MLLT3: variants seen among roughly 807,000 people sequenced by gnomAD.
MLLT3 encodes protein AF-9.
A neutral mutation model predicts 53.2 loss-of-function variants in MLLT3; 4 were observed. That is an observed-to-expected ratio of 0.08 (90% confidence interval 0.04 to 0.17). MLLT3 has a LOEUF of 0.17. Among genes scored for constraint, MLLT3 ranks in the 10% least tolerant of loss-of-function variants. MLLT3 has a pLI of 1.00. For synonymous variants in MLLT3, 283 were observed against 230.6 expected (o/e 1.23, Z -2.06); for missense variants, 569 against 684.0 (o/e 0.83, Z 1.87).
intron 2 of MLLT3, among the ~76,000 whole-genome samples, chr9:20,531,075 T>C (rs1818320429): frequency 6.6e-6 from 1 of 150,816 alleles, no homozygotes; most frequent in African/African-American, 2.5e-5. Flanking sequence ...AGTTTTGCTT[T>C]TAGCTTTTTT....
At chr9:20,452,494 T>C (rs1392750098) in intron 3 of MLLT3, among the ~76,000 whole-genome samples, 1 of 152,196 alleles carries the variant, frequency 6.6e-6, no homozygotes, top group Non-Finnish European at 1.5e-5. Flanking sequence ...CTATTTCCTT[T>C]ATAAATTACC....
chr9:20,357,844 G>C (rs576216377), intron 8 of MLLT3, among the ~76,000 whole-genome samples: 2 of 152,110 alleles, frequency 1.3e-5, no homozygotes, highest in Non-Finnish European at 2.9e-5. Context: ...TATGGAAGGA[G>C]GAAACTCAAG....
intron 2 of MLLT3, among the ~76,000 whole-genome samples, chr9:20,527,799 T>A (rs945365725): frequency 4.6e-5 from 7 of 152,166 alleles, no homozygotes; most frequent in Non-Finnish European, 8.8e-5. Context: ...ACTGGAAAAG[T>A]CAAACAACAG....
intron 2 of MLLT3, among the ~76,000 whole-genome samples, chr9:20,470,745 G>A (rs997880954): frequency 6.6e-6 from 1 of 151,854 alleles, no homozygotes; most frequent in Non-Finnish European, 1.5e-5. Flanking sequence ...AGGGTAGGGA[G>A]GGAGTAATAA....
At position 20,346,375 on chromosome 9, in the gene MLLT3, CAACCAAAAAAAAAAAA is replaced by C. The variant is rs980880119; in HGVS notation, c.*52_*67del. On this transcript the variant is annotated 3_prime_UTR_variant, in exon 11 of 11. Transcript: ENST00000380338. ...TATAAACAACAAGAACAAAAAATCA[CAACCAAAAAAAAAAAA>C]AACCAAAAAAAAAAAACACAATAGT... 7.5e-5 allele frequency: 94 copies of C among 1,245,258 alleles called. No individual in the cohort carries two copies. In the African/African-American group the frequency reaches 1.3e-3, roughly 18 times the overall value. 77.1% of individuals were successfully genotyped at this position (1,245,258 alleles called of 1,614,324 possible).
At chr9:20,431,026 T>C (rs576006810) in intron 4 of MLLT3, among the ~76,000 whole-genome samples, 20 of 152,194 alleles carry the variant, frequency 1.3e-4, no homozygotes, top group African/African-American at 4.8e-4. Context: ...ATGATACAAC[T>C]TTATGTGCTT....
At chr9:20,517,905 A>G (rs1465702753) in intron 2 of MLLT3, among the ~76,000 whole-genome samples, 2 of 152,192 alleles carry the variant, frequency 1.3e-5, no homozygotes, top group African/African-American at 4.8e-5. Flanking sequence ...GGCAAAAGAG[A>G]TGAAGACTTG....
chr9:20,583,098 G>C (rs913720765), intron 2 of MLLT3, among the ~76,000 whole-genome samples: 1 of 152,142 alleles, frequency 6.6e-6, no homozygotes, highest in Non-Finnish European at 1.5e-5. Flanking sequence ...GATACAATGG[G>C]AGTACAGACA....
At chr9:20,354,454 C>T (rs1821114504) in intron 9 of MLLT3, among the ~76,000 whole-genome samples, 1 of 152,240 alleles carries the variant, frequency 6.6e-6, no homozygotes, top group Non-Finnish European at 1.5e-5. Flanking sequence ...GACGCACACT[C>T]TGGGAAAGCA....
At chr9:20,554,649 A>G (rs753696946) in intron 2 of MLLT3, among the ~76,000 whole-genome samples, 11 of 152,198 alleles carry the variant, frequency 7.2e-5, no homozygotes, top group Non-Finnish European at 1.2e-4. Flanking sequence ...TTACCTCTCA[A>G]TCTGACAAGG....
At chr9:20,610,259 G>C (rs1437592984) in intron 2 of MLLT3, among the ~76,000 whole-genome samples, 10 of 152,232 alleles carry the variant, frequency 6.6e-5, no homozygotes, top group African/African-American at 2.2e-4. Context: ...AAAAATGATA[G>C]AGCTGGCCAA....
At chr9:20,571,645 G>C (rs935149085) in intron 2 of MLLT3, among the ~76,000 whole-genome samples, 1 of 152,090 alleles carries the variant, frequency 6.6e-6, no homozygotes, top group Non-Finnish European at 1.5e-5. Flanking sequence ...CCGGGTCCAT[G>C]TGTTTTCATT....
intron 4 of MLLT3, among the ~76,000 whole-genome samples, chr9:20,447,470 G>A (rs1368910371): frequency 1.3e-5 from 2 of 152,132 alleles, no homozygotes; most frequent in Non-Finnish European, 2.9e-5. Context: ...CCAATCAATA[G>A]TGTTTGTACA....
chr9:20,453,714 T>C (rs960857067), intron 3 of MLLT3, among the ~76,000 whole-genome samples: 6 of 152,362 alleles, frequency 3.9e-5, no homozygotes, highest in Non-Finnish European at 8.8e-5. Flanking sequence ...CAATAATTTC[T>C]TTAAAAAATA....
intron 5 of MLLT3, among the ~76,000 whole-genome samples, chr9:20,368,660 T>G (rs1821517638): frequency 6.6e-6 from 1 of 152,152 alleles, no homozygotes; most frequent in Non-Finnish European, 1.5e-5. Context: ...TAAATAAGGT[T>G]AATAATTCCA....
intron 2 of MLLT3, among the ~76,000 whole-genome samples, chr9:20,573,305 A>C (rs968897878): frequency 6.6e-6 from 1 of 151,798 alleles, no homozygotes; most frequent in African/African-American, 2.4e-5. Flanking sequence ...TCGGCCCCAC[A>C]AATAGCTGGA....
chr9:20,496,415 C>A (rs1458171885), intron 2 of MLLT3, among the ~76,000 whole-genome samples: 73 of 152,088 alleles, frequency 4.8e-4, no homozygotes, highest in Non-Finnish European at 4.4e-5. Flanking sequence ...GCTTATAATT[C>A]ATGCCTGGAC....
At chr9:20,437,311 T>C (rs918345294) in intron 4 of MLLT3, among the ~76,000 whole-genome samples, 2 of 152,180 alleles carry the variant, frequency 1.3e-5, no homozygotes, top group Non-Finnish European at 2.9e-5. Context: ...CAAGCTATTT[T>C]CATTTTAAAA....
intron 2 of MLLT3, among the ~76,000 whole-genome samples, chr9:20,562,932 T>C (rs1819252233): frequency 1.3e-5 from 2 of 152,198 alleles, no homozygotes; most frequent in Admixed American, 1.3e-4. Context: ...CATTTTGTCT[T>C]TATTTTACTT....
Sources: gnomAD v4.1 joint callset for allele counts (sites outside exome capture counted in the v4.1 genomes callset) on GRCh38, gnomAD v4.1.1 for gene constraint, MANE v1.5 for transcripts, NCBI Gene and HGNC (gene_info 2026-07-23, HGNC 2026-07-21) for gene names.